Variants in CNTNAP2 observed in about 807,000 individuals in gnomAD.
CNTNAP2 encodes contactin associated protein 2, also known as contactin-associated protein-like 2.
CNTNAP2 carries 98 observed loss-of-function variants against 155.2 expected under a neutral mutation model. That is an observed-to-expected ratio of 0.63 (90% CI 0.54 to 0.75). CNTNAP2 has a LOEUF of 0.75. CNTNAP2 is among the 30% of genes least tolerant of loss of function. CNTNAP2 has a pLI of 0.00. For missense variants in CNTNAP2, 1,727 were observed against 1,688.1 expected, an observed-to-expected ratio of 1.02 and a Z score of -0.40; for synonymous variants, 651 against 631.2, an observed-to-expected ratio of 1.03 and a Z score of -0.47.
At chr7:147,884,840 GT>G in intron 13 of CNTNAP2, among the ~76,000 whole-genome samples, 1 of 152,180 alleles carries the variant, frequency 6.6e-6, no homozygotes. Flanking sequence ...TAGCATCTTA[GT>G]TTCCTGGGAG....
At chr7:146,531,955 G>A (rs1040317057) in intron 1 of CNTNAP2, among the ~76,000 whole-genome samples, 1 of 151,880 alleles carries the variant, frequency 6.6e-6, no homozygotes, top group African/African-American at 2.4e-5. Context: ...GAAATATCTT[G>A]GAATCAACTT....
intron 15 of CNTNAP2, among the ~76,000 whole-genome samples, chr7:148,038,491 A>C (rs1438279427): frequency 6.6e-6 from 1 of 152,116 alleles, no homozygotes; most frequent in African/African-American, 2.4e-5. Flanking sequence ...CATAGCATCT[A>C]ATTCTATTTT....
At chr7:147,512,740 A>G (rs1799043717) in intron 11 of CNTNAP2, among the ~76,000 whole-genome samples, 1 of 152,182 alleles carries the variant, frequency 6.6e-6, no homozygotes, top group African/African-American at 2.4e-5. Flanking sequence ...CTTTTGGACA[A>G]CAATTCCATT....
intron 1 of CNTNAP2, among the ~76,000 whole-genome samples, chr7:146,169,889 A>G (rs2116816678): frequency 6.6e-6 from 1 of 151,820 alleles, no homozygotes; most frequent in East Asian, 1.9e-4. Flanking sequence ...TTTGTTTTCC[A>G]TATCTTAGCT....
chr7:146,518,908 G>T (rs1157403991), intron 1 of CNTNAP2, among the ~76,000 whole-genome samples: 5 of 151,836 alleles, frequency 3.3e-5, no homozygotes, highest in Non-Finnish European at 7.4e-5. Flanking sequence ...TGTGATTTTT[G>T]CATGCTGTTC....
intron 8 of CNTNAP2, among the ~76,000 whole-genome samples, chr7:147,213,769 C>T (rs771173536): frequency 6.6e-6 from 1 of 152,044 alleles, no homozygotes; most frequent in East Asian, 1.9e-4. Flanking sequence ...AAGTCCAAAG[C>T]CCCAGGAACT....
At chr7:147,213,322 A>G (rs1014230479) in intron 8 of CNTNAP2, among the ~76,000 whole-genome samples, 26 of 152,140 alleles carry the variant, frequency 1.7e-4, no homozygotes, top group Admixed American at 7.2e-4. Flanking sequence ...GGTGAGGGCC[A>G]TCTTCTTTAC....
chr7:146,489,239 C>T (rs1241087818), intron 1 of CNTNAP2, among the ~76,000 whole-genome samples: 1 of 152,064 alleles, frequency 6.6e-6, no homozygotes, highest in Non-Finnish European at 1.5e-5. Flanking sequence ...ACTGAAAACT[C>T]CTTAACATCT....
chr7:146,540,788 T>C (rs1271714923), intron 1 of CNTNAP2, among the ~76,000 whole-genome samples: 1 of 152,064 alleles, frequency 6.6e-6, no homozygotes, highest in Non-Finnish European at 1.5e-5. Flanking sequence ...TTTCTTTTAT[T>C]TTTAACTTAC....
intron 1 of CNTNAP2, among the ~76,000 whole-genome samples, chr7:146,512,446 T>G (rs913320320): frequency 6.6e-6 from 1 of 151,914 alleles, no homozygotes; most frequent in African/African-American, 2.4e-5. Flanking sequence ...TTCCCTTTAG[T>G]ACTGCTTTTG....
At chr7:146,796,521 A>C (rs1213715380) in intron 2 of CNTNAP2, among the ~76,000 whole-genome samples, 1 of 152,096 alleles carries the variant, frequency 6.6e-6, no homozygotes, top group Non-Finnish European at 1.5e-5. Flanking sequence ...AATTCCACCC[A>C]TATGTAGGAG....
Position 147,642,293 on chromosome 7 carries a change from A to G in CNTNAP2, c.2098+2987A>G, listed in dbSNP as rs969831478. ...GTTCTTTATTTTCTTTCTTTCTTGT[A>G]TTAAACTCCAAAGTCAGCTTTCAGT... On this transcript the variant is annotated intron_variant, in intron 13 of 23. Coordinates refer to ENST00000361727, the MANE Select transcript of CNTNAP2 (RefSeq NM_014141.6). Among the ~76,000 whole-genome samples, 9 of 152,080 alleles carry G rather than the reference A, an allele frequency of 5.9e-5. No homozygotes were observed. In the South Asian group the frequency reaches 1.9e-3, roughly 32 times the overall value.
At chr7:148,277,094 C>T (rs1334882391) in intron 21 of CNTNAP2, among the ~76,000 whole-genome samples, 1 of 150,320 alleles carries the variant, frequency 6.7e-6, no homozygotes, top group Non-Finnish European at 1.5e-5. Context: ...AAGGTGGGGA[C>T]CAGGTGTACA....
intron 1 of CNTNAP2, among the ~76,000 whole-genome samples, chr7:146,321,222 G>C (rs1389046054): frequency 6.6e-6 from 1 of 152,072 alleles, no homozygotes; most frequent in Admixed American, 6.6e-5. Context: ...CAAACCCCAA[G>C]TTATCAAGTA....
intron 1 of CNTNAP2, among the ~76,000 whole-genome samples, chr7:146,637,582 T>A (rs1376713231): frequency 6.6e-6 from 1 of 152,218 alleles, no homozygotes; most frequent in Non-Finnish European, 1.5e-5. Context: ...TCGATATTGA[T>A]TGAGTTATAT....
At chr7:146,978,359 G>T (rs1797952736) in intron 3 of CNTNAP2, among the ~76,000 whole-genome samples, 1 of 152,068 alleles carries the variant, frequency 6.6e-6, no homozygotes, top group South Asian at 2.1e-4. Flanking sequence ...CACATGGAGG[G>T]CACCAGCTGA....
chr7:147,876,597 C>T (rs1408463357), intron 13 of CNTNAP2, among the ~76,000 whole-genome samples: 1 of 150,916 alleles, frequency 6.6e-6, no homozygotes, highest in African/African-American at 2.4e-5. Flanking sequence ...AATTGTAATA[C>T]AAATATTATT....
intron 11 of CNTNAP2, among the ~76,000 whole-genome samples, chr7:147,508,124 ATTAAATGT>A (rs1798945782): frequency 6.6e-6 from 1 of 152,162 alleles, no homozygotes; most frequent in African/African-American, 2.4e-5. Flanking sequence ...TGCTGGGCCC[ATTAAATGT>A]CCTGGTGGAC....
At chr7:147,130,103 A>T (rs1801322733) in intron 7 of CNTNAP2, among the ~76,000 whole-genome samples, 1 of 152,064 alleles carries the variant, frequency 6.6e-6, no homozygotes, top group Non-Finnish European at 1.5e-5. Flanking sequence ...CTTTTATTTT[A>T]TGAGTAGGAG....
Sources: allele counts gnomAD v4.1 joint callset (sites outside exome capture counted in the v4.1 genomes callset), GRCh38; gene constraint gnomAD v4.1.1; transcripts MANE v1.5; gene names NCBI Gene and HGNC (gene_info 2026-07-23, HGNC 2026-07-21).